Variants in CDH8 observed in about 807,000 individuals in gnomAD.
The protein encoded by CDH8 is cadherin-8.
Under a neutral mutation model 68.1 loss-of-function variants are expected in CDH8, and 17 were observed. That is an observed-to-expected ratio of 0.25 (90% CI 0.17 to 0.37). The LOEUF (loss-of-function observed/expected upper bound fraction) is 0.37. Among genes scored for constraint, CDH8 ranks in the 10% least tolerant of loss-of-function variants. The pLI, the probability that CDH8 is intolerant of heterozygous loss-of-function variation, is 1.00. For missense variants in CDH8, 763 were observed against 999.3 expected (o/e 0.76, Z 3.19); for synonymous variants, 372 against 365.1 (o/e 1.02, Z -0.21).
chr16:62,001,365 A>T (rs749247467), intron 2 of CDH8, among the ~76,000 whole-genome samples: 9 of 152,162 alleles, frequency 5.9e-5, no homozygotes, highest in Admixed American at 1.3e-4. Flanking sequence ...CCTAAGAATA[A>T]TTTAAGCCCT....
At chr16:61,832,523 G>T (rs1227579475) in intron 4 of CDH8, among the ~76,000 whole-genome samples, 1 of 151,714 alleles carries the variant, frequency 6.6e-6, no homozygotes, top group Non-Finnish European at 1.5e-5. Context: ...AAATACAACT[G>T]ATCAAGTGAA....
intron 2 of CDH8, among the ~76,000 whole-genome samples, chr16:62,006,912 G>T (rs1597121862): frequency 8.1e-6 from 1 of 123,966 alleles, no homozygotes; most frequent in Non-Finnish European, 1.8e-5. Context: ...TAATCTTTTT[G>T]TTTTTTTTTT....
chr16:61,867,337 T>G (rs2143022673), intron 3 of CDH8, among the ~76,000 whole-genome samples: 2 of 152,228 alleles, frequency 1.3e-5, no homozygotes, highest in Middle Eastern at 3.4e-3. Flanking sequence ...CTTCAGAAAC[T>G]GCGGTTAGAA....
intron 10 of CDH8, among the ~76,000 whole-genome samples, chr16:61,679,887 G>A (rs1446360625): frequency 6.6e-6 from 1 of 151,864 alleles, no homozygotes; most frequent in Non-Finnish European, 1.5e-5. Context: ...CTATGCCATG[G>A]TTAAACAACC....
At chr16:61,854,395 C>A (rs1045873100) in intron 4 of CDH8, among the ~76,000 whole-genome samples, 3 of 151,944 alleles carry the variant, frequency 2.0e-5, no homozygotes, top group East Asian at 1.9e-4. Context: ...AATGTTTGCT[C>A]CAGGGGTCCC....
intron 7 of CDH8, among the ~76,000 whole-genome samples, chr16:61,792,982 A>G (rs1158247604): frequency 2.0e-5 from 3 of 151,968 alleles, no homozygotes; most frequent in Non-Finnish European, 2.9e-5. Flanking sequence ...CCCAAAATAC[A>G]TATGTTGATA....
At chr16:61,772,813 A>G (rs1960811433) in intron 8 of CDH8, among the ~76,000 whole-genome samples, 1 of 152,034 alleles carries the variant, frequency 6.6e-6, no homozygotes, top group South Asian at 2.1e-4. Context: ...CTGGCCAGCA[A>G]GCTATGCTTT....
chr16:61,887,632 C>T (rs960238073), intron 3 of CDH8, among the ~76,000 whole-genome samples: 1 of 152,066 alleles, frequency 6.6e-6, no homozygotes, highest in Admixed American at 6.6e-5. Context: ...CCATGTGACC[C>T]CATTTAACCT....
chr16:61,980,238 T>A lies in CDH8; in HGVS notation c.252+40914A>T, dbSNP rs568055317. On this transcript the variant is annotated intron_variant, in intron 2 of 11. Transcript: ENST00000577390. ...AGAGGCAGTGAGTAACTCTATTATCTCACAAATTCAGGGATTCCAAATATG... is the reference window on the plus strand; with the variant it reads ...AGAGGCAGTGAGTAACTCTATTATCACACAAATTCAGGGATTCCAAATATG... 1.6e-3 allele frequency among the ~76,000 whole-genome samples: 246 copies of A among 152,254 alleles called. 3 individuals carry two copies. The highest frequency in any genetic ancestry group is 5.6e-3 in the African/African-American group (233 of 41,566).
intron 2 of CDH8, among the ~76,000 whole-genome samples, chr16:61,979,596 C>T (rs991705634): frequency 2.6e-5 from 4 of 151,532 alleles, no homozygotes; most frequent in African/African-American, 4.8e-5. Context: ...TTTGTGCCAA[C>T]TCAAACACAG....
intron 2 of CDH8, among the ~76,000 whole-genome samples, chr16:62,016,612 A>G (rs1276913929): frequency 6.6e-6 from 1 of 152,216 alleles, no homozygotes; most frequent in Non-Finnish European, 1.5e-5. Context: ...TTTCTCTATC[A>G]CAATTTCCAA....
intron 2 of CDH8, among the ~76,000 whole-genome samples, chr16:61,957,208 CAT>C (rs1965002288): frequency 1.3e-5 from 2 of 152,170 alleles, no homozygotes; most frequent in Non-Finnish European, 2.9e-5. Context: ...CATACACACA[CAT>C]ATGCACGCAC....
intron 2 of CDH8, among the ~76,000 whole-genome samples, chr16:61,983,637 G>C (rs1028323761): frequency 6.6e-6 from 1 of 152,100 alleles, no homozygotes; most frequent in African/African-American, 2.4e-5. Context: ...AATTTGTTCT[G>C]TGTAAAATGC....
At chr16:61,664,844 A>G (rs1054416064) in intron 10 of CDH8, among the ~76,000 whole-genome samples, 19 of 152,028 alleles carry the variant, frequency 1.2e-4, no homozygotes, top group African/African-American at 4.6e-4. Context: ...AGATTGAACA[A>G]TTATCTCCTA....
At chr16:61,701,033 T>G (rs535091945) in intron 10 of CDH8, among the ~76,000 whole-genome samples, 1 of 152,270 alleles carries the variant, frequency 6.6e-6, no homozygotes, top group Non-Finnish European at 1.5e-5. Flanking sequence ...TATGACAGTT[T>G]AAAATACTAA....
intron 2 of CDH8, among the ~76,000 whole-genome samples, chr16:61,967,839 G>A (rs1012189717): frequency 2.5e-4 from 38 of 152,130 alleles, no homozygotes; most frequent in South Asian, 6.2e-4. Context: ...ACGGAGTTTC[G>A]CTCTTGTTAC....
chr16:61,674,925 C>T (rs1458224574), intron 10 of CDH8, among the ~76,000 whole-genome samples: 2 of 145,434 alleles, frequency 1.4e-5, no homozygotes, highest in Non-Finnish European at 3.0e-5. Context: ...TGAACATGAA[C>T]ACAGAGATGA....
chr16:61,951,059 A>G (rs1195743037), intron 2 of CDH8, among the ~76,000 whole-genome samples: 1 of 152,120 alleles, frequency 6.6e-6, no homozygotes, highest in Non-Finnish European at 1.5e-5. Context: ...AGTTAAAAAA[A>G]ACCTCCACAT....
rs1555501746 is a variant in CDH8, at chr16:61,675,630, A to AAAT, written c.1655-19910_1655-19909insATT. ...AAAATAAAAAAAATAAAAAAAATAA[A>AAAT]AAAAAATAAAAATAGTGTTATCATT... On this transcript the variant is annotated intron_variant, in intron 10 of 11. Coordinates refer to ENST00000577390, the MANE Select transcript of CDH8 (RefSeq NM_001796.5). Among the ~76,000 whole-genome samples the AAAT allele has an allele frequency of 4.9e-4, 73 of 148,418 alleles. 1 individual carries two copies. Among genetic ancestry groups the AAAT allele is most frequent in the Admixed American group, 4.4e-3 (66 of 14,902 alleles).
Sources: allele counts gnomAD v4.1 joint callset (sites outside exome capture counted in the v4.1 genomes callset), GRCh38; gene constraint gnomAD v4.1.1; transcripts MANE v1.5; gene names NCBI Gene and HGNC (gene_info 2026-07-23, HGNC 2026-07-21).